Variants in DDX43 observed in about 807,000 individuals in gnomAD.
The protein encoded by DDX43 is DEAD-box helicase 43.
A neutral mutation model predicts 84.9 loss-of-function variants in DDX43; 50 were observed. The ratio of observed to expected loss-of-function variants is 0.59; its 90% CI spans 0.47 to 0.75. DDX43 has a LOEUF of 0.75. Among genes scored for constraint, DDX43 ranks in the 30% least tolerant of loss-of-function variants. The probability of loss-of-function intolerance (pLI) is 0.00; values close to 1 mark genes in which losing one functional copy is unlikely to be tolerated. For synonymous variants in DDX43, 291 were observed against 266.3 expected (o/e 1.09, Z -0.90); for missense variants, 689 against 798.6 (o/e 0.86, Z 1.65).
At chr6:73,395,635 GTAATT>G (rs1279143327) in intron 1 of DDX43, among the ~76,000 whole-genome samples, 3 of 147,958 alleles carry the variant, frequency 2.0e-5, no homozygotes, top group South Asian at 4.2e-4. Flanking sequence ...AAAAAAAAAA[GTAATT>G]TAATCCACCT....
chr6:73,403,907 T>C (rs895053323), intron 4 of DDX43, among the ~76,000 whole-genome samples: 2 of 151,438 alleles, frequency 1.3e-5, no homozygotes, highest in Non-Finnish European at 2.9e-5. Context: ...AACCTCTGCC[T>C]CCTGGGTTCA....
chr6:73,412,675 G>GCA lies in DDX43; in HGVS notation c.1368+384_1368+385insAC, dbSNP rs1162762016. 6.4e-4 allele frequency among the ~76,000 whole-genome samples: 71 copies of GCA among 110,338 alleles called. 1 individual carries two copies. Among genetic ancestry groups the GCA allele is most frequent in the Admixed American group, 1.8e-4 (2 of 11,220 alleles). 72.4% of individuals were successfully genotyped at this position (110,338 alleles called of 152,430 possible). A position where few individuals can be genotyped will look rare whatever the true frequency, so the allele number is the denominator to read the frequency against. On this transcript the variant is annotated intron_variant, in intron 11 of 16. Coordinates refer to ENST00000370336, the MANE Select transcript of DDX43 (RefSeq NM_018665.3). ...TGTGTGTGTGTGTGTGTGTGCGCGC[G>GCA]CGCGTGTGTGTGTGTGCGCGTGCGT...
chr6:73,414,672 C>G lies in DDX43; in HGVS notation c.1731C>G (p.Arg577=). Residue 577 remains arginine, a synonymous_variant, in exon 14 of 17, where the codon CGC becomes CGG. Coordinates refer to ENST00000370336, the MANE Select transcript of DDX43 (RefSeq NM_018665.3). Reference sequence around the variant, plus strand: ...AAGAATACGTACACCGAATAGGGCGCACGGGAAGAGCAGGGTAAGTAAGCT... The same window carrying G: ...AAGAATACGTACACCGAATAGGGCGGACGGGAAGAGCAGGGTAAGTAAGCT... ...NIEEYVHRIG[R]TGRAGRTGVS... is the part of the protein sequence containing the mutation. 6.2e-7 allele frequency: 1 copy of G among 1,612,350 alleles called. No individual in the cohort carries two copies. Among genetic ancestry groups the G allele is most frequent in the East Asian group, 2.2e-5 (1 of 44,780 alleles).
At position 73,394,973 on chromosome 6, in the gene DDX43, T is replaced by G. The variant is rs1189493652; in HGVS notation, c.68T>G (p.Val23Gly). ...GTTGCTAGTCGGCGAAGCTCGACAG[T>G]GTCCCGAGCGCCAGAGAGGAGGCCG... is the stretch of plus-strand genomic sequence containing the variant. ...WVVASRRSST[V>G]SRAPERRPAE... Residue 23 changes from valine (V) to glycine (G), a missense_variant, in exon 1 of 17, where the codon GTG (valine) becomes GGG (glycine). This residue lies in a region of DDX43 where 137 missense variants were observed against 105.9 expected (regional missense o/e 1.29). Transcript: ENST00000370336. 6.2e-7 allele frequency: 1 copy of G among 1,614,100 alleles called. No homozygotes were observed. The highest frequency in any genetic ancestry group is 1.7e-5 in the Admixed American group (1 of 60,014).
At chr6:73,396,918 A>G (rs1353119819) in intron 1 of DDX43, among the ~76,000 whole-genome samples, 1 of 152,208 alleles carries the variant, frequency 6.6e-6, no homozygotes, top group South Asian at 2.1e-4. Context: ...CTAAGGCTGA[A>G]TGGTATTCCA....
intron 4 of DDX43, among the ~76,000 whole-genome samples, chr6:73,404,471 AGCCTC>A: frequency 6.6e-6 from 1 of 152,328 alleles, no homozygotes; most frequent in East Asian, 1.9e-4. Flanking sequence ...CTCCCATGCC[AGCCTC>A]TCAAAGTGCT....
chr6:73,409,277 C>T lies in DDX43; in HGVS notation c.1209C>T (p.Asp403=). The part of the protein sequence containing the change: ...LVLDEADKML[D]MGFEPQIMKI... ...TAGATGAAGCAGACAAGATGTTGGA[C>T]ATGGGATTTGAACCCCAGATAATGA... The change falls in exon 10 of 17, where the codon GAC becomes GAT. Residue 403 remains aspartate, a synonymous_variant. Coordinates refer to ENST00000370336, the MANE Select transcript of DDX43 (RefSeq NM_018665.3). 6.2e-7 allele frequency: 1 copy of T among 1,614,110 alleles called. No individual in the cohort carries two copies. The highest frequency in any genetic ancestry group is 1.1e-5 in the South Asian group (1 of 91,086).
intron 11 of DDX43, 81 bp downstream of exon 11, chr6:73,412,373 C>A: frequency 9.2e-7 from 1 of 1,090,644 alleles, no homozygotes; most frequent in South Asian, 1.4e-5. Flanking sequence ...CCTAGTCTGC[C>A]CACTCCCCAA....
chr6:73,411,858 C>CA (rs1769790678), intron 10 of DDX43, among the ~76,000 whole-genome samples: 1 of 152,074 alleles, frequency 6.6e-6, no homozygotes, highest in South Asian at 2.1e-4. Flanking sequence ...CTAACACACC[C>CA]AGCTGATTTT....
chr6:73,411,202 T>A (rs977518722), intron 10 of DDX43, among the ~76,000 whole-genome samples: 5 of 147,932 alleles, frequency 3.4e-5, no homozygotes, highest in Admixed American at 1.4e-4. Context: ...AAAAAAAAAT[T>A]TATTTGGCTT....
chr6:73,402,028 T>C (rs1337741266), intron 4 of DDX43, 38 bp downstream of exon 4: 1 of 1,609,158 alleles, frequency 6.2e-7, no homozygotes, highest in South Asian at 1.1e-5. Context: ...ATATTGTTTC[T>C]GTTAACTGCA....
At position 73,414,686 on chromosome 6, in the gene DDX43, GGTA is replaced by G; in HGVS notation, c.1745+1_1745+3del. The G allele has an allele frequency of 6.2e-7, 1 of 1,608,736 alleles. No homozygotes were observed. The highest frequency in any genetic ancestry group is 8.5e-7 in the Non-Finnish European group (1 of 1,177,990). The stretch of plus-strand genomic sequence containing the variant: ...CGAATAGGGCGCACGGGAAGAGCAG[GGTA>G]AGTAAGCTTAGTCCACCCATGAAAG... On this transcript the variant is annotated splice_donor_variant and splice_donor_region_variant and intron_variant, in intron 14 of 16. Coordinates refer to ENST00000370336, the MANE Select transcript of DDX43 (RefSeq NM_018665.3). LOFTEE classifies it high-confidence loss of function.
At chr6:73,395,227 C>A (rs112720352) in intron 1 of DDX43, 72 bp downstream of exon 1, 1 of 1,494,722 alleles carries the variant, frequency 6.7e-7, no homozygotes. Context: ...GGCATTTCCT[C>A]CCCACTGCCT....
In DDX43 at chr6:73,407,525, G is replaced by C. The variant is rs1769706732; in HGVS notation, c.947G>C (p.Arg316Thr). The change falls in exon 8 of 17, where the codon AGA becomes ACA. Residue 316 changes from arginine to threonine, a missense_variant. Arg to Thr is a moderately conservative substitution (Grantham distance 71). This residue lies in a region of DDX43 where 552 missense variants were observed against 692.7 expected (regional missense o/e 0.80). Transcript: ENST00000370336. ...LQPSLKGQRN[R>T]PGMLVLTPTR... ...CAAAGCCTTAAAGGTCAAAGGAATA[G>C]ACCCGGCATGTTAGTTCTAACTCCC... The C allele has an allele frequency of 1.4e-5, 22 of 1,613,102 alleles. No homozygotes were observed. The highest frequency in any genetic ancestry group is 1.9e-5 in the Non-Finnish European group (22 of 1,179,150).
rs150607071 is a variant in DDX43 at position 73,408,048 on chromosome 6, T to C, written c.1126T>C (p.Leu376=). ...VDIIIATPGR[L]NDLQMSNFVN... ...TATCATAATTGCAACTCCCGGAAGA[T>C]TGAATGATCTGCAAATGAGTAACTT... Residue 376 remains leucine, a synonymous_variant, in exon 9 of 17, where the codon TTG becomes CTG. Transcript: ENST00000370336. 7.1e-5 allele frequency: 114 copies of C among 1,608,700 alleles called. No homozygotes were observed. Among genetic ancestry groups the C allele is most frequent in the Non-Finnish European group, 9.3e-5 (109 of 1,177,706 alleles).
At chr6:73,400,097 G>T (rs1769537069) in intron 2 of DDX43, 137 bp from the exon 3 acceptor site, 3 of 602,742 alleles carry the variant, frequency 5.0e-6, no homozygotes, top group Admixed American at 7.3e-5. Context: ...ACATTGATTG[G>T]TGGTAATACT....
intron 8 of DDX43, 32 bp from the exon 9 acceptor site, chr6:73,407,927 TA>T (rs769992603): frequency 6.3e-7 from 1 of 1,592,938 alleles, no homozygotes; most frequent in South Asian, 1.1e-5. Context: ...ATTCTGTGCC[TA>T]AACATTAACC....
At chr6:73,406,706 C>T (rs1769690753) in intron 7 of DDX43, among the ~76,000 whole-genome samples, 1 of 152,160 alleles carries the variant, frequency 6.6e-6, no homozygotes, top group Admixed American at 6.6e-5. Flanking sequence ...AGTAGTGAAA[C>T]AGTGGAAACT....
chr6:73,399,143 C>T (rs530054162), intron 2 of DDX43, among the ~76,000 whole-genome samples: 1 of 152,054 alleles, frequency 6.6e-6, no homozygotes, highest in Non-Finnish European at 1.5e-5. Flanking sequence ...GACAGGGTTT[C>T]ACTATGTTGG....
Sources: allele counts gnomAD v4.1 joint callset (sites outside exome capture counted in the v4.1 genomes callset), GRCh38; gene constraint gnomAD v4.1.1; regional missense constraint gnomAD v4.1.1; transcripts MANE v1.5; gene names NCBI Gene and HGNC (gene_info 2026-07-23, HGNC 2026-07-21).